Variants in COMMD10 observed in about 807,000 individuals in gnomAD.
COMMD10 encodes COMM domain-containing protein 10.
COMMD10 carries 33 observed loss-of-function variants against 28.9 expected under a neutral mutation model. The ratio of observed to expected loss-of-function variants is 1.14; its 90% CI spans 0.87 to 1.53. The LOEUF is 1.53. COMMD10 is among the 40% of genes most tolerant of loss of function. The pLI is 0.00. For synonymous variants in COMMD10, 110 were observed against 81.7 expected (o/e 1.35, Z -1.87); for missense variants, 310 against 233.4 (o/e 1.33, Z -2.14).
At chr5:116,087,912 C>T (rs1750164303) in intron 2 of COMMD10, among the ~76,000 whole-genome samples, 1 of 152,116 alleles carries the variant, frequency 6.6e-6, no homozygotes, top group Non-Finnish European at 1.5e-5. Flanking sequence ...TATTTTGGGA[C>T]TAAAGTTCTA....
intron 5 of COMMD10, among the ~76,000 whole-genome samples, chr5:116,216,073 C>G (rs1749094734): frequency 6.6e-6 from 1 of 152,068 alleles, no homozygotes; most frequent in African/African-American, 2.4e-5. Flanking sequence ...ACAATCCAGA[C>G]CATTACCACA....
intron 4 of COMMD10, among the ~76,000 whole-genome samples, chr5:116,103,546 G>A (rs1187465045): frequency 2.0e-5 from 3 of 152,108 alleles, no homozygotes. Flanking sequence ...GTTCCTTGTA[G>A]ATTCTGGATA....
At chr5:116,132,067 G>A (rs527759672) in intron 4 of COMMD10, among the ~76,000 whole-genome samples, 2 of 152,056 alleles carry the variant, frequency 1.3e-5, no homozygotes, top group East Asian at 3.9e-4. Flanking sequence ...ATGATGGGAC[G>A]AGGTTCTATA....
intron 5 of COMMD10, among the ~76,000 whole-genome samples, chr5:116,206,275 A>G (rs905862093): frequency 6.6e-6 from 1 of 152,150 alleles, no homozygotes; most frequent in Admixed American, 6.6e-5. Context: ...TAGAGTTGAA[A>G]CAGCAGTTTC....
chr5:116,206,150 G>A (rs1371496323), intron 5 of COMMD10, among the ~76,000 whole-genome samples: 1 of 152,052 alleles, frequency 6.6e-6, no homozygotes, highest in Non-Finnish European at 1.5e-5. Context: ...TTTATGGTGG[G>A]GTATGATTGT....
intron 5 of COMMD10, among the ~76,000 whole-genome samples, chr5:116,222,615 T>A (rs1450611669): frequency 6.6e-6 from 1 of 152,206 alleles, no homozygotes; most frequent in Non-Finnish European, 1.5e-5. Context: ...CAAGAAATTA[T>A]CTCAGTTTTT....
chr5:116,265,878 A>G (rs1750570472), intron 5 of COMMD10, among the ~76,000 whole-genome samples: 2 of 151,836 alleles, frequency 1.3e-5, no homozygotes, highest in African/African-American at 4.9e-5. Context: ...ACTAAAATGA[A>G]GACAAGATCC....
chr5:116,115,611 G>A (rs1751207362), intron 4 of COMMD10, among the ~76,000 whole-genome samples: 1 of 152,040 alleles, frequency 6.6e-6, no homozygotes, highest in Admixed American at 6.6e-5. Flanking sequence ...ATACCTATGT[G>A]TTCATAACAT....
chr5:116,229,402 T>G (rs926288927), intron 5 of COMMD10, among the ~76,000 whole-genome samples: 2 of 152,040 alleles, frequency 1.3e-5, no homozygotes, highest in Non-Finnish European at 2.9e-5. Flanking sequence ...CGAATTTACC[T>G]TCTTCTGGCA....
chr5:116,284,098 C>G (rs1435568651), intron 5 of COMMD10, among the ~76,000 whole-genome samples: 1 of 151,858 alleles, frequency 6.6e-6, no homozygotes, highest in Admixed American at 6.6e-5. Context: ...TACCATTGCA[C>G]TCCAGCCTGG....
intron 5 of COMMD10, among the ~76,000 whole-genome samples, chr5:116,258,881 C>G (rs1474794703): frequency 1.3e-5 from 2 of 151,578 alleles, no homozygotes; most frequent in Non-Finnish European, 2.9e-5. Flanking sequence ...TTTCTTCTTT[C>G]ATTTCTGTGA....
At chr5:116,234,234 T>A (rs10051240) in intron 5 of COMMD10, among the ~76,000 whole-genome samples, 15,932 of 152,114 alleles carry the variant, frequency 0.1, 932 homozygotes, top group African/African-American at 0.15. Flanking sequence ...ACAATGAAAT[T>A]CCTCATAGAA....
chr5:116,161,058 T>C (rs1752899813), intron 5 of COMMD10, among the ~76,000 whole-genome samples: 1 of 152,082 alleles, frequency 6.6e-6, no homozygotes, highest in Admixed American at 6.6e-5. Context: ...GGAAATAAAA[T>C]ATTTATGGGC....
intron 5 of COMMD10, among the ~76,000 whole-genome samples, chr5:116,147,695 CTTGT>C (rs746742316): frequency 2.8e-4 from 42 of 151,618 alleles, no homozygotes; most frequent in Admixed American, 1.1e-3. Flanking sequence ...GAAAGAAATT[CTTGT>C]TTATTTCATG....
At chr5:116,186,946 T>G (rs895313351) in intron 5 of COMMD10, among the ~76,000 whole-genome samples, 4 of 152,194 alleles carry the variant, frequency 2.6e-5, no homozygotes, top group Non-Finnish European at 5.9e-5. Flanking sequence ...CTTTTTGCTT[T>G]AAAAATAACT....
intron 5 of COMMD10, among the ~76,000 whole-genome samples, chr5:116,178,787 C>G (rs1022278289): frequency 4.6e-5 from 7 of 152,050 alleles, no homozygotes; most frequent in African/African-American, 1.7e-4. Flanking sequence ...AAAGTTAATG[C>G]CCTGATTTAT....
intron 5 of COMMD10, among the ~76,000 whole-genome samples, chr5:116,161,689 AAGT>A (rs1752923362): frequency 6.6e-6 from 1 of 152,188 alleles, no homozygotes; most frequent in South Asian, 2.1e-4. Context: ...CATAAAGTGA[AAGT>A]AGAAGCAGAT....
rs560163282 is a variant in COMMD10, at chr5:116,136,365, C to T, written c.510+2187C>T. The stretch of plus-strand genomic sequence containing the variant: ...ATGAGTGAAAATACATACATACATG[C>T]ACATTCCAAGTAGCTATATACTTCC... On this transcript the variant is annotated intron_variant, in intron 5 of 6. Coordinates refer to ENST00000274458, the MANE Select transcript of COMMD10 (RefSeq NM_016144.4). Among the ~76,000 whole-genome samples, 183 of 152,298 alleles carry T rather than the reference C, an allele frequency of 1.2e-3. 2 individuals carry two copies. Among genetic ancestry groups the T allele is most frequent in the African/African-American group, 4.4e-3 (181 of 41,576 alleles).
chr5:116,186,655 T>A (rs1748147573), intron 5 of COMMD10, among the ~76,000 whole-genome samples: 1 of 152,142 alleles, frequency 6.6e-6, no homozygotes, highest in South Asian at 2.1e-4. Flanking sequence ...CCTTTTAATG[T>A]TGGCTTCTAG....
Sources: gnomAD v4.1 joint callset for allele counts (sites outside exome capture counted in the v4.1 genomes callset) on GRCh38, gnomAD v4.1.1 for gene constraint, MANE v1.5 for transcripts, NCBI Gene and HGNC (gene_info 2026-07-23, HGNC 2026-07-21) for gene names.